The following KSR1 variants were observed in gnomAD, a reference collection of about 807,000 sequenced individuals.
KSR1 encodes the protein kinase suppressor of ras 1.
Under a neutral mutation model 92.9 loss-of-function variants are expected in KSR1, and 35 were observed. The ratio of observed to expected loss-of-function variants is 0.38; its 90% CI spans 0.29 to 0.50. KSR1 has a LOEUF of 0.50. Ranked by LOEUF, KSR1 falls within the 20% of genes least tolerant of loss-of-function variation. The pLI is 0.94. For synonymous variants in KSR1, 467 were observed against 472.6 expected (o/e 0.99, Z 0.15); for missense variants, 972 against 1,158.5 (o/e 0.84, Z 2.34).
intron 9 of KSR1, among the ~76,000 whole-genome samples, chr17:27,592,839 C>T (rs1311672641): frequency 1.3e-5 from 2 of 152,188 alleles, no homozygotes; most frequent in African/African-American, 2.4e-5. Context: ...AGTCCCTTCT[C>T]CTTTGAGCTA....
At chr17:27,526,049 TCTCTCTC>T (rs1567792598) in intron 1 of KSR1, among the ~76,000 whole-genome samples, 1 of 131,766 alleles carries the variant, frequency 7.6e-6, no homozygotes, top group Non-Finnish European at 1.6e-5. Context: ...TTTCTTTCTC[TCTCTCTC>T]TCTCTCTTTC....
chr17:27,557,125 G>T (rs893976431), intron 2 of KSR1, among the ~76,000 whole-genome samples: 8 of 152,194 alleles, frequency 5.3e-5, no homozygotes, highest in Non-Finnish European at 8.8e-5. Context: ...CTGGCCCAGG[G>T]GGTGGGGATA....
chr17:27,538,225 T>C (rs114692773), intron 1 of KSR1, among the ~76,000 whole-genome samples: 1 of 152,260 alleles, frequency 6.6e-6, no homozygotes, highest in African/African-American at 2.4e-5. Context: ...TAACAGAAAA[T>C]GTGACTGGAA....
chr17:27,600,467 T>A (rs879683631), intron 10 of KSR1, among the ~76,000 whole-genome samples: 11 of 152,140 alleles, frequency 7.2e-5, no homozygotes, highest in African/African-American at 1.2e-4. Context: ...ATAAAAAAAA[T>A]TTTAAAAATG....
intron 2 of KSR1, chr17:27,560,397 G>C (rs750767872): frequency 3.9e-6 from 2 of 519,014 alleles, no homozygotes; most frequent in Admixed American, 1.9e-5. Flanking sequence ...AAAGCCACAG[G>C]TTCCCCTGAA....
intron 1 of KSR1, among the ~76,000 whole-genome samples, chr17:27,539,011 C>T (rs1177024398): frequency 6.6e-6 from 1 of 152,170 alleles, no homozygotes; most frequent in Non-Finnish European, 1.5e-5. Context: ...CTTGCCTTCC[C>T]CATCCCTCCC....
At chr17:27,575,597 G>A (rs1001073470) in intron 2 of KSR1, among the ~76,000 whole-genome samples, 4 of 152,068 alleles carry the variant, frequency 2.6e-5, no homozygotes, top group Admixed American at 6.5e-5. Context: ...CTGACTTCCT[G>A]GGGATGCAGC....
intron 10 of KSR1, among the ~76,000 whole-genome samples, chr17:27,600,611 G>T (rs960678617): frequency 6.6e-6 from 1 of 152,010 alleles, no homozygotes; most frequent in East Asian, 1.9e-4. Context: ...ATTATTTCCC[G>T]CCAGCGTCAC....
At chr17:27,527,587 G>T (rs1967593) in intron 1 of KSR1, among the ~76,000 whole-genome samples, 38,063 of 151,918 alleles carry the variant, frequency 0.25, 5,000 homozygotes, top group Admixed American at 0.36. Flanking sequence ...TAGAGATGGG[G>T]TTTTACCATG....
intron 1 of KSR1, among the ~76,000 whole-genome samples, chr17:27,540,079 G>A (rs1310258638): frequency 6.6e-6 from 1 of 152,226 alleles, no homozygotes; most frequent in African/African-American, 2.4e-5. Flanking sequence ...TTAAACCATA[G>A]TTGACCTCAT....
intron 1 of KSR1, among the ~76,000 whole-genome samples, chr17:27,483,193 A>AC: frequency 6.6e-6 from 1 of 152,250 alleles, no homozygotes; most frequent in East Asian, 1.9e-4. Flanking sequence ...TCACATAGCA[A>AC]CTCATCAACA....
In KSR1 at chr17:27,456,682, G is replaced by C. The variant is rs1289989926; in HGVS notation, c.39G>C (p.Glu13Asp). 2 of 713,914 alleles carry C rather than the reference G, an allele frequency of 2.8e-6. No individual in the cohort carries two copies. The highest frequency in any genetic ancestry group is 4.8e-6 in the Non-Finnish European group (2 of 417,804). The allele number at this position is 713,914 out of a possible 1,614,324, so 44.2% of individuals were successfully genotyped here. A position where few individuals can be genotyped will look rare whatever the true frequency, so the allele number is the denominator to read the frequency against. ...CGCTGCGCGCGGCGGCGATGGGAGA[G>C]AAGAAGGAGGGCGGTGGCGGGGGGG... ...RAALRAAAMG[E>D]KKEGGGGGDA... is the part of the protein sequence containing the mutation. Residue 13 changes from glutamate (E) to aspartate (D), a missense_variant, in exon 1 of 21, where the codon GAG becomes GAC. Physicochemically the swap from Glu to Asp is conservative, Grantham distance 45. This residue lies in a region of KSR1 where 36 missense variants were observed against 16.0 expected (regional missense o/e 2.25). Transcript: ENST00000644974.
At chr17:27,620,019 G>A (rs1455827128) in intron 19 of KSR1, among the ~76,000 whole-genome samples, 2 of 152,202 alleles carry the variant, frequency 1.3e-5, no homozygotes, top group Non-Finnish European at 2.9e-5. Context: ...TCTTGATAAA[G>A]AACCAAAGTG....
Position 27,577,423 on chromosome 17 carries a change from C to A in KSR1, c.373-69C>A. On this transcript the variant is annotated intron_variant, in intron 2 of 20. Transcript: ENST00000644974. The surrounding 1 kb of genome is among the most constrained non-coding windows in gnomAD (Gnocchi z 4.5). ...CCCTGCCACTCAGCAGGAGGCCAGCCTGAGGCTGAGGGGCTCCCGGCCCAG... is the reference window on the plus strand; with the variant it reads ...CCCTGCCACTCAGCAGGAGGCCAGCATGAGGCTGAGGGGCTCCCGGCCCAG... 1 of 1,012,956 alleles carries A rather than the reference C, an allele frequency of 9.9e-7. No individual in the cohort carries two copies. The highest frequency in any genetic ancestry group is 1.5e-6 in the Non-Finnish European group (1 of 682,490). 62.7% of individuals were successfully genotyped at this position (1,012,956 alleles called of 1,614,324 possible). A position where few individuals can be genotyped will look rare whatever the true frequency, so the allele number is the denominator to read the frequency against.
chr17:27,485,805 T>C (rs2068646228), intron 1 of KSR1, among the ~76,000 whole-genome samples: 1 of 152,186 alleles, frequency 6.6e-6, no homozygotes, highest in Non-Finnish European at 1.5e-5. Context: ...GCTGGCTCTG[T>C]AACCTTGGAT....
At chr17:27,581,421 C>A (rs1172618456) in intron 3 of KSR1, among the ~76,000 whole-genome samples, 1 of 152,120 alleles carries the variant, frequency 6.6e-6, no homozygotes, top group African/African-American at 2.4e-5. Flanking sequence ...CATCCCTTGC[C>A]TCTCCCCAGC....
At chr17:27,614,134 A>G (rs1198549114) in intron 18 of KSR1, among the ~76,000 whole-genome samples, 1 of 152,194 alleles carries the variant, frequency 6.6e-6, no homozygotes, top group Non-Finnish European at 1.5e-5. Context: ...AGACATACAT[A>G]TCATAAAACC....
At chr17:27,494,602 T>C (rs1475836663) in intron 1 of KSR1, among the ~76,000 whole-genome samples, 2 of 152,144 alleles carry the variant, frequency 1.3e-5, no homozygotes, top group African/African-American at 2.4e-5. Flanking sequence ...GGACCGATAT[T>C]AGGGATTCCG....
intron 7 of KSR1, 131 bp downstream of exon 7, chr17:27,591,025 C>A: frequency 1.4e-6 from 1 of 733,116 alleles, no homozygotes; most frequent in Non-Finnish European, 2.3e-6. Context: ...TTCAGGGAGA[C>A]TAAGCAAGTT....
Sources: allele counts gnomAD v4.1 joint callset (sites outside exome capture counted in the v4.1 genomes callset), GRCh38; gene constraint gnomAD v4.1.1; regional missense constraint gnomAD v4.1.1; non-coding constraint Gnocchi (gnomAD v3.1); transcripts MANE v1.5; gene names NCBI Gene and HGNC (gene_info 2026-07-23, HGNC 2026-07-21).